Variants in USP54 observed in about 807,000 individuals in gnomAD.
The protein encoded by USP54 is ubiquitin carboxyl-terminal hydrolase 54.
Under a neutral mutation model 170.5 loss-of-function variants are expected in USP54, and 87 were observed. The observed-to-expected ratio is 0.51, with a 90% CI of 0.43 to 0.61. USP54 has a LOEUF of 0.61. USP54 is among the 20% of genes least tolerant of loss of function. The probability of loss-of-function intolerance (pLI) is 0.00; values close to 1 mark genes in which losing one functional copy is unlikely to be tolerated. For missense variants in USP54, 1,786 were observed against 2,047.8 expected (o/e 0.87, Z 2.47); for synonymous variants, 655 against 742.8 (o/e 0.88, Z 1.92).
Position 73,523,743 on chromosome 10 carries a change from C to A in USP54, c.2202G>T (p.Glu734Asp), listed in dbSNP as rs1590000055. The stretch of plus-strand genomic sequence containing the variant: ...CATCCAGTTCACTTTTAGAAGATAT[C>A]TCCTCACCTGTAATATAAGCAAGGG... ...WTKSQPFSGEEISSKSELDEL... is the reference protein window; with the variant it reads ...WTKSQPFSGEDISSKSELDEL... The change falls in exon 17 of 24, where the codon GAG becomes GAT. Residue 734 changes from glutamate to aspartate, a missense_variant. Transcript: ENST00000687698. The A allele has an allele frequency of 2.5e-6, 4 of 1,612,574 alleles. No individual in the cohort carries two copies. The highest frequency in any genetic ancestry group is 1.7e-4 in the Middle Eastern group (1 of 6,048).
intron 16 of USP54, among the ~76,000 whole-genome samples, chr10:73,525,755 T>C (rs2062734667): frequency 6.6e-6 from 1 of 152,260 alleles, no homozygotes; most frequent in Non-Finnish European, 1.5e-5. Context: ...ATAGGCATTG[T>C]TCTGCTCTGC....
At chr10:73,594,999 C>T (rs890693300), upstream of USP54, among the ~76,000 whole-genome samples, 2 of 151,830 alleles carry the variant, frequency 1.3e-5, no homozygotes, top group Non-Finnish European at 2.9e-5. Context: ...AATCTCAGCT[C>T]ACTGCAATCT....
At chr10:73,561,128 A>AG (rs1462199605) in intron 4 of USP54, among the ~76,000 whole-genome samples, 1 of 146,786 alleles carries the variant, frequency 6.8e-6, no homozygotes, top group Non-Finnish European at 1.5e-5. Flanking sequence ...AAAAAAAAAA[A>AG]GAAATCCAAG....
intron 1 of USP54, among the ~76,000 whole-genome samples, chr10:73,612,905 C>A (rs2080266376): frequency 6.7e-6 from 1 of 150,366 alleles, no homozygotes; most frequent in African/African-American, 2.4e-5. Context: ...CCTGTTATCT[C>A]AGCACTTTGG....
intron 4 of USP54, among the ~76,000 whole-genome samples, chr10:73,563,735 C>G (rs560002051): frequency 6.6e-6 from 1 of 152,066 alleles, no homozygotes; most frequent in Non-Finnish European, 1.5e-5. Flanking sequence ...CCGCACCCAG[C>G]CTTTTATTTA....
chr10:73,552,292 A>G (rs1223833921), intron 4 of USP54, among the ~76,000 whole-genome samples: 1 of 152,138 alleles, frequency 6.6e-6, no homozygotes, highest in East Asian at 1.9e-4. Context: ...GAGCGCCTAT[A>G]GTCCCAGCTA....
intron 12 of USP54, among the ~76,000 whole-genome samples, chr10:73,531,660 A>G (rs1481384510): frequency 6.6e-6 from 1 of 152,196 alleles, no homozygotes; most frequent in Non-Finnish European, 1.5e-5. Flanking sequence ...ATTGTGGATC[A>G]TTTAAAGGGC....
intron 4 of USP54, among the ~76,000 whole-genome samples, chr10:73,554,533 T>G (rs1161150980): frequency 6.6e-6 from 1 of 152,232 alleles, no homozygotes; most frequent in East Asian, 1.9e-4. Flanking sequence ...TTGAAAGTTG[T>G]CTTTTAAGAG....
intron 1 of USP54, among the ~76,000 whole-genome samples, chr10:73,604,802 G>A (rs954476050): frequency 6.6e-6 from 1 of 152,110 alleles, no homozygotes; most frequent in African/African-American, 2.4e-5. Flanking sequence ...TCTTCACGAT[G>A]AGTGTTACAG....
chr10:73,555,577 C>A (rs2070754601), intron 4 of USP54, among the ~76,000 whole-genome samples: 1 of 152,106 alleles, frequency 6.6e-6, no homozygotes, highest in African/African-American at 2.4e-5. Flanking sequence ...AAATTCGCCA[C>A]AGAAAGGTAT....
At chr10:73,571,136 CCA>C (rs1564872807) in intron 4 of USP54, among the ~76,000 whole-genome samples, 1 of 87,298 alleles carries the variant, frequency 1.1e-5, no homozygotes, top group African/African-American at 5.9e-5. Flanking sequence ...AGACTTCATC[CCA>C]AAAAAAAAAA....
chr10:73,534,881 A>T (rs912561980), intron 11 of USP54, 111 bp from the exon 12 acceptor site: 1 of 1,002,964 alleles, frequency 1.0e-6, no homozygotes, highest in Non-Finnish European at 1.5e-6. Context: ...CTTCCTAGAC[A>T]CAAGTGTGAG....
chr10:73,618,322 GC>G (rs1179926113), intron 1 of USP54, among the ~76,000 whole-genome samples: 1 of 150,532 alleles, frequency 6.6e-6, no homozygotes, highest in African/African-American at 2.5e-5. Context: ...GAGTGTAGTG[GC>G]ATGATTTAGC....
Position 73,543,065 on chromosome 10 carries a change from G to C in USP54, c.442C>G (p.Gln148Glu). 1 of 1,614,112 alleles carries C rather than the reference G, an allele frequency of 6.2e-7. No individual in the cohort carries two copies. ...AATTTCTGATGGGAAATGCAGTGTT[G>C]GGCAGTACATATATCCTCTTTGGTT... ...DETKEDICTA[Q>E]HCISHQKFAM... The change falls in exon 6 of 24, where the codon CAA becomes GAA. Residue 148 changes from glutamine to glutamate, a missense_variant. By Grantham distance (29) the Gln-to-Glu change is conservative. This residue lies in a region of USP54 where 361 missense variants were observed against 455.0 expected (regional missense o/e 0.79). Transcript: ENST00000687698.
chr10:73,621,612 A>AT (rs1437241228), intron 1 of USP54, among the ~76,000 whole-genome samples: 1 of 151,882 alleles, frequency 6.6e-6, no homozygotes, highest in East Asian at 1.9e-4. Context: ...AAAAAAAAAA[A>AT]AAAAAAACTA....
In USP54 at chr10:73,615,108, T is replaced by G. The variant is rs1301340387; in HGVS notation, c.-18+10459A>C. The stretch of plus-strand genomic sequence containing the variant: ...TGGCTCACATCTGTAATCCCGTCAC[T>G]TTAGGAGGCCAAGGCAGCAGATCAG... On this transcript the variant is annotated intron_variant, in intron 1 of 22. Coordinates refer to the USP54 transcript ENST00000339859. The G allele has an allele frequency of 1.3e-5, 2 of 150,334 alleles. 1 individual carries two copies. The highest frequency in any genetic ancestry group is 5.0e-5 in the African/African-American group (2 of 39,732). The allele number at this position is 150,334 out of a possible 1,614,324, so 9.3% of individuals were successfully genotyped here.
intron 4 of USP54, among the ~76,000 whole-genome samples, chr10:73,561,899 T>A (rs756957134): frequency 7.9e-5 from 12 of 152,216 alleles, no homozygotes; most frequent in Non-Finnish European, 1.3e-4. Flanking sequence ...GCAAAAAGAC[T>A]TACTACCAGA....
At chr10:73,562,614 T>TGCA (rs1378947442) in intron 4 of USP54, among the ~76,000 whole-genome samples, 1 of 152,228 alleles carries the variant, frequency 6.6e-6, no homozygotes, top group Non-Finnish European at 1.5e-5. Context: ...AGTTGCTGCA[T>TGCA]GCAGCTGCAG....
chr10:73,583,076 GA>G (rs538518088), intron 1 of USP54, among the ~76,000 whole-genome samples: 14 of 152,096 alleles, frequency 9.2e-5, no homozygotes, highest in Non-Finnish European at 1.8e-4. Context: ...AGGAATATTT[GA>G]CAAATAGCCC....
Sources: gnomAD v4.1 joint callset for allele counts (sites outside exome capture counted in the v4.1 genomes callset) on GRCh38, gnomAD v4.1.1 for gene constraint, gnomAD v4.1.1 regional missense constraint, MANE v1.5 for transcripts, NCBI Gene and HGNC (gene_info 2026-07-23, HGNC 2026-07-21) for gene names.